Variants in NPC2 observed in about 807,000 individuals in gnomAD.
NPC2 encodes the protein NPC intracellular cholesterol transporter 2, also known as Niemann-Pick disease type C2 protein.
Under a neutral mutation model 17.0 loss-of-function variants are expected in NPC2, and 14 were observed. The observed-to-expected ratio is 0.82, with a 90% CI of 0.54 to 1.29. The LOEUF is 1.29. Ranked by LOEUF, NPC2 falls within the 50% of genes most tolerant of loss-of-function variation. NPC2 has a pLI of 0.00. For synonymous variants in NPC2, 75 were observed against 69.3 expected (o/e 1.08, Z -0.41); for missense variants, 167 against 183.4 (o/e 0.91, Z 0.52).
chr14:74,483,010 G>T (rs1595221841), intron 3 of NPC2: 3 of 893,004 alleles, frequency 3.4e-6, no homozygotes, highest in Admixed American at 1.8e-5. Flanking sequence ...AGGAGGTGTT[G>T]GGCAGTCTGC....
At chr14:74,487,005 G>T (rs2086718979) in intron 1 of NPC2, among the ~76,000 whole-genome samples, 1 of 141,222 alleles carries the variant, frequency 7.1e-6, no homozygotes, top group African/African-American at 2.8e-5. Flanking sequence ...AGGTTGGAGT[G>T]CAGTGGCACA....
chr14:74,488,911 C>A (rs985446353), intron 1 of NPC2, among the ~76,000 whole-genome samples: 5 of 152,156 alleles, frequency 3.3e-5, no homozygotes, highest in Admixed American at 3.3e-4. Flanking sequence ...TTGGGAACTG[C>A]ACCATTTTCA....
chr14:74,480,085 AAG>A lies in NPC2; in HGVS notation c.*187_*188del. The A allele has an allele frequency of 6.5e-7, 1 of 1,538,964 alleles. No individual in the cohort carries two copies. Among genetic ancestry groups the A allele is most frequent in the Non-Finnish European group, 8.7e-7 (1 of 1,147,184 alleles). On this transcript the variant is annotated 3_prime_UTR_variant, in exon 5 of 5. Transcript: ENST00000555619. Reference sequence around the variant, plus strand: ...TTAATGAAACCACCTAAGACAGAAAAAGAGACATGAGACAACCACTGAGAACC... The same window carrying A: ...TTAATGAAACCACCTAAGACAGAAAAAGACATGAGACAACCACTGAGAACC...
chr14:74,486,190 A>C (rs2139669955), intron 2 of NPC2, 139 bp downstream of exon 2: 3 of 832,630 alleles, frequency 3.6e-6, no homozygotes, highest in South Asian at 2.9e-5. Flanking sequence ...AGTGAACCCT[A>C]GCTTTGCATG....
At chr14:74,486,464 G>A in intron 1 of NPC2, 28 bp from the exon 2 acceptor site, 1 of 1,544,132 alleles carries the variant, frequency 6.5e-7, no homozygotes, top group Non-Finnish European at 8.8e-7. Context: ...ATTGGAATAG[G>A]AGAATAGGAG....
At chr14:74,488,792 G>C (rs995801938) in intron 1 of NPC2, among the ~76,000 whole-genome samples, 9 of 152,062 alleles carry the variant, frequency 5.9e-5, no homozygotes, top group Non-Finnish European at 1.3e-4. Context: ...GAATTTAAGA[G>C]GAACTACCAC....
intron 1 of NPC2, among the ~76,000 whole-genome samples, chr14:74,487,213 T>C (rs1387279730): frequency 6.6e-6 from 1 of 151,510 alleles, no homozygotes; most frequent in African/African-American, 2.4e-5. Flanking sequence ...CCTCCCAAAG[T>C]GCTAGGATTA....
In NPC2 at chr14:74,480,690, A is replaced by G. The variant is rs746096497; in HGVS notation, c.441+12T>C. 27 of 1,610,904 alleles carry G rather than the reference A, an allele frequency of 1.7e-5. No homozygotes were observed. In the South Asian group the frequency reaches 2.7e-4, roughly 16 times the overall value. On this transcript the variant is annotated intron_variant, in intron 4 of 4. Transcript: ENST00000555619. ...CCTCCACCCATGCCCTCTCACCCCCAGATAGACTTACGATCTGTACTGGGA... is the reference window on the plus strand; with the variant it reads ...CCTCCACCCATGCCCTCTCACCCCCGGATAGACTTACGATCTGTACTGGGA...
chr14:74,484,576 T>A lies in NPC2; in HGVS notation c.202A>T (p.Lys68Ter), dbSNP rs750426509. 6.8e-6 allele frequency: 11 copies of A among 1,613,976 alleles called. No homozygotes were observed. The African/African-American group carries it at 1.5e-4, about 22-fold the overall frequency. The part of the protein sequence containing the change: ...NVTFTSNIQS[K>*]SSKAVVHGIL... Reference sequence around the variant, plus strand: ...CCATGCACCACGGCCTTGCTGCTTTTAGACTGAATATCTAAGAGAAAAAAA... The same window carrying A: ...CCATGCACCACGGCCTTGCTGCTTTAAGACTGAATATCTAAGAGAAAAAAA... Residue 68 changes from lysine (K) to a stop codon, truncating the protein, a stop_gained, in exon 3 of 5, where the codon AAA becomes TAA. Transcript: ENST00000555619. LOFTEE classifies it high-confidence loss of function.
chr14:74,491,453 C>T (rs996433179), intron 1 of NPC2, among the ~76,000 whole-genome samples: 1 of 152,026 alleles, frequency 6.6e-6, no homozygotes, highest in Non-Finnish European at 1.5e-5. Flanking sequence ...TAATTTGAAG[C>T]GATAATAGCT....
rs80358260 is a variant in NPC2, at chr14:74,493,217, C to T, written c.58G>A (p.Glu20Lys). 28 of 1,612,162 alleles carry T rather than the reference C, an allele frequency of 1.7e-5. No homozygotes were observed. The highest frequency in any genetic ancestry group is 2.3e-5 in the Non-Finnish European group (27 of 1,179,486). ...LLALSTAAQAEPVQFKDCGSV... is the reference protein window; with the variant it reads ...LLALSTAAQAKPVQFKDCGSV... ...CCGCAGTCCTTGAACTGCACCGGTT[C>T]GGCCTGGGCAGCGGTGCTGAGCGCC... The change falls in exon 1 of 5, where the codon GAA becomes AAA. Residue 20 changes from glutamate to lysine, a missense_variant. By Grantham distance (56) the Glu-to-Lys change is moderately conservative. Coordinates refer to ENST00000555619, the MANE Select transcript of NPC2 (RefSeq NM_006432.5). The surrounding 1 kb of genome is among the most constrained non-coding windows in gnomAD (Gnocchi z 4.1).
intron 2 of NPC2, among the ~76,000 whole-genome samples, chr14:74,485,446 G>A (rs2086702809): frequency 6.6e-6 from 1 of 151,990 alleles, no homozygotes; most frequent in Non-Finnish European, 1.5e-5. Flanking sequence ...GAGTTATTAG[G>A]GTATTTTGGA....
intron 1 of NPC2, among the ~76,000 whole-genome samples, chr14:74,492,762 G>T (rs578061661): frequency 6.6e-6 from 1 of 152,346 alleles, no homozygotes; most frequent in African/African-American, 2.4e-5. Flanking sequence ...AAGGGGAATT[G>T]ACTTTTGACT....
chr14:74,493,485 C>G (rs775671234), upstream of NPC2: 1 of 1,174,964 alleles, frequency 8.5e-7, no homozygotes, highest in Non-Finnish European at 1.2e-6. This position sits in a 1 kb window ranked among gnomAD's most constrained non-coding sequence, Gnocchi z 4.1. Flanking sequence ...CCCATGCCAT[C>G]CCCTCAGAGG....
rs1391222276 is a variant in NPC2 at position 74,484,587 on chromosome 14, T to G, written c.191A>C (p.Asn64Thr). Residue 64 changes from asparagine to threonine, a missense_variant and splice_region_variant, in exon 3 of 5, where the codon AAT (asparagine) becomes ACT (threonine). Transcript: ENST00000555619. ...SYSVNVTFTS[N>T]IQSKSSKAVV... Reference sequence around the variant, plus strand: ...GGCCTTGCTGCTTTTAGACTGAATATCTAAGAGAAAAAAAGAGAATCAGAT... The same window carrying G: ...GGCCTTGCTGCTTTTAGACTGAATAGCTAAGAGAAAAAAAGAGAATCAGAT... 6.2e-7 allele frequency: 1 copy of G among 1,613,706 alleles called. No individual in the cohort carries two copies. Among genetic ancestry groups the G allele is most frequent in the Non-Finnish European group, 8.5e-7 (1 of 1,179,906 alleles).
rs1288344669 is a variant in NPC2, at chr14:74,487,270, TTTTG to T, written c.83-838_83-835del. On this transcript the variant is annotated intron_variant, in intron 1 of 4. Coordinates refer to ENST00000555619, the MANE Select transcript of NPC2 (RefSeq NM_006432.5). ...TCCCTGTTTTGTTTTTGTGGTTTTT[TTTTG>T]TTTTTTTTTTTTGAGACAGGGTCTC... Among the ~76,000 whole-genome samples the T allele has an allele frequency of 2.8e-3, 411 of 146,096 alleles. 1 individual carries two copies. Among genetic ancestry groups the T allele is most frequent in the African/African-American group, 9.1e-3 (345 of 38,116 alleles).
intron 3 of NPC2, 132 bp downstream of exon 3, chr14:74,484,283 C>T: frequency 3.1e-6 from 3 of 965,290 alleles, no homozygotes; most frequent in Non-Finnish European, 5.0e-6. Context: ...CACCTATCTC[C>T]TTTCCCTCGG....
Position 74,493,042 on chromosome 14 carries a change from C to T in NPC2, c.82+151G>A. On this transcript the variant is annotated intron_variant, in intron 1 of 4. Transcript: ENST00000555619. The surrounding 1 kb of genome is among the most constrained non-coding windows in gnomAD (Gnocchi z 4.1). ...TTTCATGGAGGCCGGCGCCTTCTCC[C>T]CCGACCCAGCCCATTCCAGTTAGGT... The T allele has an allele frequency of 2.0e-6, 2 of 987,598 alleles. No individual in the cohort carries two copies. Among genetic ancestry groups the T allele is most frequent in the Non-Finnish European group, 2.9e-6 (2 of 682,742 alleles). 61.2% of individuals were successfully genotyped at this position (987,598 alleles called of 1,614,324 possible).
chr14:74,491,809 G>C (rs1249826913), intron 1 of NPC2, among the ~76,000 whole-genome samples: 1 of 152,102 alleles, frequency 6.6e-6, no homozygotes, highest in Non-Finnish European at 1.5e-5. Flanking sequence ...ACTAGTCTTG[G>C]AGAGGAATTT....
Sources: allele counts gnomAD v4.1 joint callset (sites outside exome capture counted in the v4.1 genomes callset), GRCh38; gene constraint gnomAD v4.1.1; non-coding constraint Gnocchi (gnomAD v3.1); transcripts MANE v1.5; gene names NCBI Gene and HGNC (gene_info 2026-07-23, HGNC 2026-07-21).